Variants in KLRG1 observed in about 807,000 individuals in gnomAD.
KLRG1 encodes the protein killer cell lectin-like receptor subfamily G member 1.
In KLRG1, 16 loss-of-function variants were observed where a neutral mutation model predicts 21.8. The ratio of observed to expected loss-of-function variants is 0.73; its 90% CI spans 0.50 to 1.11. The LOEUF (loss-of-function observed/expected upper bound fraction) is 1.11. Among genes scored for constraint, KLRG1 ranks in the 50% most tolerant of loss-of-function variants. The probability of loss-of-function intolerance (pLI) is 0.00; values close to 1 mark genes in which losing one functional copy is unlikely to be tolerated. For missense variants in KLRG1, 173 were observed against 218.3 expected (o/e 0.79, Z 1.31); for synonymous variants, 69 against 75.9 (o/e 0.91, Z 0.47).
chr12:9,082,977 C>T, the KLRG1 span, among the ~76,000 whole-genome samples: 2 of 152,122 alleles, frequency 1.3e-5, no homozygotes, highest in Non-Finnish European at 2.9e-5. Context: ...AGTTCTAGAT[C>T]CCTGAGGAAT....
At chr12:9,206,542 T>C in the KLRG1 span, among the ~76,000 whole-genome samples, 1 of 152,230 alleles carries the variant, frequency 6.6e-6, no homozygotes, top group Admixed American at 6.5e-5. Context: ...GTAGCAAATA[T>C]TAAAGTGATA....
At chr12:9,072,952 G>A in the KLRG1 span, 2 of 1,098,140 alleles carry the variant, frequency 1.8e-6, no homozygotes, top group Admixed American at 4.9e-5. Context: ...AGACCCATGT[G>A]AGGGACTTTG....
chr12:9,202,445 G>A, the KLRG1 span: 11 of 1,612,132 alleles, frequency 6.8e-6, no homozygotes, highest in African/African-American at 2.7e-5. Context: ...AGGAGGCTAC[G>A]GGGCTAGGAT....
At chr12:9,094,375 A>ACC in the KLRG1 span, among the ~76,000 whole-genome samples, 1 of 136,300 alleles carries the variant, frequency 7.3e-6, no homozygotes, top group African/African-American at 2.7e-5. Flanking sequence ...ATATATATAT[A>ACC]CCTATACATG....
At chr12:9,093,035 T>C in the KLRG1 span, among the ~76,000 whole-genome samples, 1 of 152,194 alleles carries the variant, frequency 6.6e-6, no homozygotes, top group Non-Finnish European at 1.5e-5. Flanking sequence ...TACTTGTATG[T>C]GGATGCTAAA....
the KLRG1 span, chr12:9,089,862 A>G: frequency 3.8e-6 from 5 of 1,322,602 alleles, no homozygotes; most frequent in South Asian, 7.1e-5. Context: ...CACATATATT[A>G]TATATTATTG....
intron 1 of KLRG1, among the ~76,000 whole-genome samples, chr12:8,966,388 A>G (rs1439820184): frequency 1.3e-5 from 2 of 152,156 alleles, no homozygotes; most frequent in Non-Finnish European, 2.9e-5. Flanking sequence ...AACTATCATC[A>G]GAGTGAACAG....
the KLRG1 span, among the ~76,000 whole-genome samples, chr12:9,078,158 A>G: frequency 6.6e-6 from 1 of 152,200 alleles, no homozygotes; most frequent in African/African-American, 2.4e-5. Flanking sequence ...GGTTTCTTGC[A>G]CCTATTGACC....
At chr12:9,182,868 A>G in the KLRG1 span, among the ~76,000 whole-genome samples, 1 of 152,340 alleles carries the variant, frequency 6.6e-6, no homozygotes, top group Admixed American at 6.5e-5. Flanking sequence ...AGATGCCTGT[A>G]CATAAAGGAC....
the KLRG1 span, among the ~76,000 whole-genome samples, chr12:9,194,495 C>A: frequency 1.5e-5 from 2 of 137,568 alleles, no homozygotes; most frequent in Non-Finnish European, 1.5e-5. Flanking sequence ...GACGGAGTCT[C>A]GCTCTGTCGC....
the KLRG1 span, chr12:9,196,669 C>T: frequency 6.2e-6 from 10 of 1,610,328 alleles, no homozygotes; most frequent in Admixed American, 5.0e-5. Context: ...TTGGGTGATG[C>T]AGCCATTGCT....
chr12:9,062,252 A>G, the KLRG1 span, among the ~76,000 whole-genome samples: 1 of 108,994 alleles, frequency 9.2e-6, no homozygotes, highest in Non-Finnish European at 1.8e-5. Context: ...TATCTGATAT[A>G]TTTATATATT....
chr12:8,995,838 A>T (rs1228970736), intron 3 of KLRG1, among the ~76,000 whole-genome samples: 1 of 152,012 alleles, frequency 6.6e-6, no homozygotes, highest in Non-Finnish European at 1.5e-5. Context: ...GTGTGCCACC[A>T]TGCCTGGCTA....
chr12:9,005,437 A>G (rs1800510338), intron 3 of KLRG1, among the ~76,000 whole-genome samples: 2 of 152,240 alleles, frequency 1.3e-5, no homozygotes, highest in South Asian at 4.1e-4. Context: ...CCTGTCATTC[A>G]TAGCAGAATG....
the KLRG1 span, among the ~76,000 whole-genome samples, chr12:9,038,178 T>C: frequency 6.6e-6 from 1 of 152,158 alleles, no homozygotes; most frequent in Non-Finnish European, 1.5e-5. Flanking sequence ...GGAGACTCGC[T>C]TGAGCTCAGG....
At chr12:9,082,988 C>T in the KLRG1 span, among the ~76,000 whole-genome samples, 5 of 152,308 alleles carry the variant, frequency 3.3e-5, no homozygotes, top group South Asian at 2.1e-4. Flanking sequence ...CCTGAGGAAT[C>T]GCCACATTGA....
At chr12:9,146,077 G>A in the KLRG1 span, among the ~76,000 whole-genome samples, 2 of 152,072 alleles carry the variant, frequency 1.3e-5, no homozygotes, top group Non-Finnish European at 2.9e-5. Flanking sequence ...TTCAGGTTGA[G>A]AAGGTTTTAG....
At chr12:9,178,864 T>C in the KLRG1 span, among the ~76,000 whole-genome samples, 1 of 152,178 alleles carries the variant, frequency 6.6e-6, no homozygotes, top group Non-Finnish European at 1.5e-5. Context: ...ATGTTAATTT[T>C]GATAATTAAA....
At chr12:9,005,430 G>C (rs915469558) in intron 3 of KLRG1, among the ~76,000 whole-genome samples, 1 of 152,106 alleles carries the variant, frequency 6.6e-6, no homozygotes, top group Non-Finnish European at 1.5e-5. Flanking sequence ...AAGAAATCCT[G>C]TCATTCATAG....
Sources: gnomAD v4.1 joint callset for allele counts (sites outside exome capture counted in the v4.1 genomes callset) on GRCh38, gnomAD v4.1.1 for gene constraint, MANE v1.5 for transcripts, NCBI Gene and HGNC (gene_info 2026-07-23, HGNC 2026-07-21) for gene names.